The following FAM76A variants were observed in gnomAD, a reference collection of about 807,000 sequenced individuals.
The protein encoded by FAM76A is protein FAM76A.
In FAM76A, 32 loss-of-function variants were observed where a neutral mutation model predicts 46.2. That is an observed-to-expected ratio of 0.69 (90% CI 0.52 to 0.93). The LOEUF is 0.93. FAM76A is among the 40% of genes least tolerant of loss of function. The pLI is 0.00. For synonymous variants in FAM76A, 137 were observed against 127.0 expected (o/e 1.08, Z -0.53); for missense variants, 274 against 361.5 (o/e 0.76, Z 1.96).
At chr1:27,732,716 T>C (rs2087980899) in intron 3 of FAM76A, 59 bp downstream of exon 3, 1 of 1,314,018 alleles carries the variant, frequency 7.6e-7, no homozygotes, top group East Asian at 2.3e-5. Context: ...AACCTTACCT[T>C]CTGTGGCCTA....
intron 7 of FAM76A, among the ~76,000 whole-genome samples, chr1:27,757,612 G>A (rs542365152): frequency 3.9e-5 from 6 of 152,090 alleles, no homozygotes; most frequent in South Asian, 2.1e-4. Context: ...CAAGTGACCC[G>A]CCCACCTCGG....
rs189148808 is a variant in FAM76A, at chr1:27,754,169, C to G, written c.600-1026C>G. ...TTGCCCAGGCTGGAGTGCAATGGCGCAATCTTGGCTCACTGCAACCTCCGC... is the reference window on the plus strand; with the variant it reads ...TTGCCCAGGCTGGAGTGCAATGGCGGAATCTTGGCTCACTGCAACCTCCGC... On this transcript the variant is annotated intron_variant, in intron 6 of 8. Transcript: ENST00000373954. Among the ~76,000 whole-genome samples the G allele has an allele frequency of 3.0e-3, 429 of 143,658 alleles. 2 individuals carry two copies. Among genetic ancestry groups the G allele is most frequent in the Non-Finnish European group, 5.2e-3 (349 of 67,142 alleles). 94.2% of individuals were successfully genotyped at this position (143,658 alleles called of 152,430 possible).
intron 4 of FAM76A, among the ~76,000 whole-genome samples, chr1:27,735,201 C>G (rs1294634150): frequency 1.3e-5 from 2 of 152,240 alleles, no homozygotes; most frequent in Non-Finnish European, 2.9e-5. Flanking sequence ...ACTGGCTCCT[C>G]ATGTCAGGTT....
Position 27,760,571 on chromosome 1 carries a change from C to A in FAM76A, c.914C>A (p.Thr305Asn). 1 of 1,611,202 alleles carries A rather than the reference C, an allele frequency of 6.2e-7. No individual in the cohort carries two copies. Among genetic ancestry groups the A allele is most frequent in the Non-Finnish European group, 8.5e-7 (1 of 1,178,330 alleles). Residue 305 changes from threonine (T) to asparagine (N), a missense_variant, in exon 9 of 9, where the codon ACC becomes AAC. Physicochemically the swap from Thr to Asn is moderately conservative, Grantham distance 65. Transcript: ENST00000373954. ...AAGTCAGAGAAGTCAGGAGCTATAA[C>A]CTCTCCATGACAGACCTCAAGGAGG... Reference protein sequence around the residue: ...SKKSEKSGAITSP With the variant: ...SKKSEKSGAINSP
intron 7 of FAM76A, among the ~76,000 whole-genome samples, chr1:27,757,135 A>G (rs2088422822): frequency 6.6e-6 from 1 of 151,624 alleles, no homozygotes; most frequent in Non-Finnish European, 1.5e-5. Context: ...ATTGGATGCT[A>G]ACTTCGTGCC....
In FAM76A at chr1:27,734,305, T is replaced by C. The variant is rs575332333; in HGVS notation, c.354+122T>C. On this transcript the variant is annotated intron_variant, in intron 4 of 8. Coordinates refer to ENST00000373954, the MANE Select transcript of FAM76A (RefSeq NM_152660.3). ...GCTCATGCCTGTAATCCCAGCACTT[T>C]GGGAGGCCGAGGCTAGTGGATCATG... 3.6e-5 allele frequency: 36 copies of C among 992,152 alleles called. No homozygotes were observed. In the African/African-American group the frequency reaches 6.0e-4, roughly 17 times the overall value. 61.5% of individuals were successfully genotyped at this position (992,152 alleles called of 1,614,324 possible).
At chr1:27,753,420 C>T (rs190276927) in intron 6 of FAM76A, among the ~76,000 whole-genome samples, 1 of 152,306 alleles carries the variant, frequency 6.6e-6, no homozygotes, top group Non-Finnish European at 1.5e-5. Flanking sequence ...GGTATTGAAA[C>T]AGATGTGAGA....
intron 7 of FAM76A, among the ~76,000 whole-genome samples, chr1:27,757,038 G>T (rs1436907046): frequency 2.0e-5 from 3 of 151,752 alleles, no homozygotes; most frequent in Non-Finnish European, 4.4e-5. Flanking sequence ...CAGCCTGTGG[G>T]TGACAGAGCC....
chr1:27,759,779 G>GTTTTTTTTTGTTT lies in FAM76A; in HGVS notation c.837+161_837+162insGTTTTTTTTTTTT, dbSNP rs1553179888. 2,478 of 363,414 alleles carry GTTTTTTTTTGTTT rather than the reference G, an allele frequency of 6.8e-3. 58 individuals are homozygous for GTTTTTTTTTGTTT. The highest frequency in any genetic ancestry group is 0.063 in the African/African-American group (1,906 of 30,218). The allele number at this position is 363,414 out of a possible 1,614,324, so 22.5% of individuals were successfully genotyped here. Reference sequence around the variant, plus strand: ...TCCCCCTTTTAGGTTTTTTTTTTTTGTTTTTTTTTTGAGACAGGTTCTCTG... The same window carrying GTTTTTTTTTGTTT: ...TCCCCCTTTTAGGTTTTTTTTTTTTGTTTTTTTTTGTTTTTTTTTTTTTGAGACAGGTTCTCTG... On this transcript the variant is annotated intron_variant, in intron 8 of 8. Coordinates refer to ENST00000373954, the MANE Select transcript of FAM76A (RefSeq NM_152660.3).
chr1:27,746,768 G>A (rs545000241), intron 5 of FAM76A, among the ~76,000 whole-genome samples: 49 of 152,162 alleles, frequency 3.2e-4, no homozygotes, highest in African/African-American at 1.1e-3. Context: ...TGGGGGTAGG[G>A]ATTATTTGAA....
In FAM76A at chr1:27,759,602, A is replaced by G; in HGVS notation, c.812A>G (p.His271Arg). 2 of 1,613,740 alleles carry G rather than the reference A, an allele frequency of 1.2e-6. No individual in the cohort carries two copies. The highest frequency in any genetic ancestry group is 1.7e-6 in the Non-Finnish European group (2 of 1,179,820). The change falls in exon 8 of 9, where the codon CAC (histidine) becomes CGC (arginine). Residue 271 changes from histidine to arginine, a missense_variant. Physicochemically the swap from His to Arg is conservative, Grantham distance 29 (BLOSUM62 0). Coordinates refer to ENST00000373954, the MANE Select transcript of FAM76A (RefSeq NM_152660.3). ...AAAATGAACCAGATGGAGAAAACCC[A>G]CAAAGAAGTCACAGAACAACTGCAG... ...RAKMNQMEKT[H>R]KEVTEQLQAK...
chr1:27,730,255 C>T lies in FAM76A; in HGVS notation c.147-2348C>T, dbSNP rs1933886. On this transcript the variant is annotated intron_variant, in intron 2 of 8. Transcript: ENST00000373954. ...AGGCTAGAGTGCAATGGCACGATCT[C>T]GGCTCACTGCAACCTCCACCTCCCA... The T allele has an allele frequency of 6.7e-3, 1,311 of 195,566 alleles. 12 individuals are homozygous for T. The highest frequency in any genetic ancestry group is 0.038 in the South Asian group (577 of 15,156). 12.1% of individuals were successfully genotyped at this position (195,566 alleles called of 1,614,324 possible). A position where few individuals can be genotyped will look rare whatever the true frequency, so the allele number is the denominator to read the frequency against.
At chr1:27,746,843 G>A (rs760398377) in intron 5 of FAM76A, among the ~76,000 whole-genome samples, 3 of 152,148 alleles carry the variant, frequency 2.0e-5, no homozygotes, top group African/African-American at 4.8e-5. Context: ...CTGGGAGGCC[G>A]AGGTGGGAGG....
intron 7 of FAM76A, among the ~76,000 whole-genome samples, chr1:27,757,555 A>G (rs1252652790): frequency 2.0e-5 from 3 of 152,082 alleles, no homozygotes; most frequent in African/African-American, 7.2e-5. Flanking sequence ...TTTCATAGAG[A>G]TGGGGGTCTC....
intron 4 of FAM76A, among the ~76,000 whole-genome samples, chr1:27,735,609 T>C (rs2088031149): frequency 6.6e-6 from 1 of 152,202 alleles, no homozygotes; most frequent in African/African-American, 2.4e-5. Context: ...ATCTCTTCCC[T>C]GTATCAAGAT....
chr1:27,745,504 A>G (rs1179866784), intron 5 of FAM76A, among the ~76,000 whole-genome samples: 1 of 152,212 alleles, frequency 6.6e-6, no homozygotes, highest in Non-Finnish European at 1.5e-5. Flanking sequence ...ATCAGCAAGC[A>G]TTAAGTATTC....
In FAM76A at chr1:27,760,478, AT is replaced by A. The variant is rs111588196; in HGVS notation, c.838-7del. 663 of 1,324,222 alleles carry A rather than the reference AT, an allele frequency of 5.0e-4. No individual in the cohort carries two copies. Among genetic ancestry groups the A allele is most frequent in the Admixed American group, 7.0e-4 (36 of 51,160 alleles). 82.0% of individuals were successfully genotyped at this position (1,324,222 alleles called of 1,614,324 possible). A position where few individuals can be genotyped will look rare whatever the true frequency, so the allele number is the denominator to read the frequency against. ...TGTTTGAAACATCCTTCTTGCACTG[AT>A]TTTTTTTTTCTTTAGGCCAAAAACC... On this transcript the variant is annotated splice_polypyrimidine_tract_variant and intron_variant, in intron 8 of 8. Coordinates refer to ENST00000373954, the MANE Select transcript of FAM76A (RefSeq NM_152660.3).
At chr1:27,759,899 C>G in intron 8 of FAM76A, 1 of 525,752 alleles carries the variant, frequency 1.9e-6, no homozygotes, top group Non-Finnish European at 3.6e-6. Flanking sequence ...TTCCAAGTAG[C>G]GAAGACCACA....
Position 27,760,779 on chromosome 1 carries a change from G to C in FAM76A, c.*198G>C, listed in dbSNP as rs2088490404. ...TGTTAGACTGCATGCTTGAGTGTTT[G>C]GGATTTCAAGCTCGCTCTCTTTCTC... On this transcript the variant is annotated 3_prime_UTR_variant, in exon 9 of 9. Transcript: ENST00000373954. 6.9e-6 allele frequency: 2 copies of C among 290,104 alleles called. No individual in the cohort carries two copies. Among genetic ancestry groups the C allele is most frequent in the Non-Finnish European group, 1.4e-5 (2 of 147,728 alleles). 18.0% of individuals were successfully genotyped at this position (290,104 alleles called of 1,614,324 possible).
Sources: allele counts gnomAD v4.1 joint callset (sites outside exome capture counted in the v4.1 genomes callset), GRCh38; gene constraint gnomAD v4.1.1; transcripts MANE v1.5; gene names NCBI Gene and HGNC (gene_info 2026-07-23, HGNC 2026-07-21).